The following CLDN18 variants were observed in gnomAD, a reference collection of about 807,000 sequenced individuals.
CLDN18 encodes claudin 18.
In CLDN18, 20 loss-of-function variants were observed where a neutral mutation model predicts 25.0. The ratio of observed to expected loss-of-function variants is 0.80; its 90% CI spans 0.56 to 1.16. The LOEUF is 1.16. Ranked by LOEUF, CLDN18 falls within the 50% of genes most tolerant of loss-of-function variation. The pLI, the probability that CLDN18 is intolerant of heterozygous loss-of-function variation, is 0.00. For synonymous variants in CLDN18, 125 were observed against 135.6 expected (o/e 0.92, Z 0.54); for missense variants, 297 against 345.4 (o/e 0.86, Z 1.11).
At chr3:137,999,015 G>C in exon 1 of CLDN18, 1 of 1,614,220 alleles carries the variant, frequency 6.2e-7, no homozygotes. Flanking sequence ...ACCAGGGGCT[G>C]TGGCGCTCCT....
intron 1 of CLDN18, among the ~76,000 whole-genome samples, chr3:138,016,533 A>G (rs781296009): frequency 4.7e-4 from 61 of 128,896 alleles, no homozygotes; most frequent in Non-Finnish European, 9.7e-5. Context: ...GAGAGGGGGC[A>G]AAGATATGGC....
chr3:138,003,241 G>C (rs942779362), intron 1 of CLDN18, among the ~76,000 whole-genome samples: 1 of 152,126 alleles, frequency 6.6e-6, no homozygotes, highest in African/African-American at 2.4e-5. Context: ...ATTGCCAAAT[G>C]TCCTCTAAGG....
At position 138,032,801 on chromosome 3, in the gene CLDN18, T is replaced by C. The variant is rs1275684108; in HGVS notation, c.*1660T>C. On this transcript the variant is annotated 3_prime_UTR_variant, in exon 5 of 5. Transcript: ENST00000183605. ...ACTTCTCTGAATTCACCTAGAGTGG[T>C]TGGACCATCAGATGTTTGGGCAAAA... 6.6e-6 allele frequency: 1 copy of C among 152,216 alleles called. No homozygotes were observed. The highest frequency in any genetic ancestry group is 1.5e-5 in the Non-Finnish European group (1 of 68,038). The allele number at this position is 152,216 out of a possible 1,614,324, so 9.4% of individuals were successfully genotyped here.
At chr3:138,022,068 G>C (rs1942277188) in intron 1 of CLDN18, among the ~76,000 whole-genome samples, 2 of 152,112 alleles carry the variant, frequency 1.3e-5, no homozygotes, top group African/African-American at 4.8e-5. Context: ...CACTGTCAGG[G>C]CTCTCTACCT....
intron 1 of CLDN18, among the ~76,000 whole-genome samples, chr3:138,015,547 G>C (rs1294663972): frequency 2.0e-5 from 3 of 152,160 alleles, no homozygotes; most frequent in African/African-American, 7.2e-5. Flanking sequence ...AAGGCAAAAA[G>C]CAGATACCTA....
chr3:138,024,765 T>G (rs1379494713), intron 3 of CLDN18, 41 bp downstream of exon 3: 1 of 1,174,728 alleles, frequency 8.5e-7, no homozygotes, highest in African/African-American at 1.5e-5. Flanking sequence ...CCATGATGAA[T>G]ATTGTTATAA....
At position 138,026,775 on chromosome 3, in the gene CLDN18, C is replaced by T. The variant is rs560651619; in HGVS notation, c.503+2051C>T. Reference sequence around the variant, plus strand: ...GGTTAGTGGGTGAAGGAAACAGGGACGGGAAGGAAGGGAAGCCAAGCACGG... The same window carrying T: ...GGTTAGTGGGTGAAGGAAACAGGGATGGGAAGGAAGGGAAGCCAAGCACGG... On this transcript the variant is annotated intron_variant, in intron 3 of 4. Coordinates refer to ENST00000183605, the MANE Select transcript of CLDN18 (RefSeq NM_016369.4). 1.1e-4 allele frequency among the ~76,000 whole-genome samples: 16 copies of T among 152,142 alleles called. No individual in the cohort carries two copies. The South Asian group carries it at 2.9e-3, about 28-fold the overall frequency.
chr3:138,026,344 CT>C (rs1276606082), intron 3 of CLDN18, among the ~76,000 whole-genome samples: 1 of 152,186 alleles, frequency 6.6e-6, no homozygotes, highest in African/African-American at 2.4e-5. Context: ...CAATTACCAA[CT>C]TCTAAAAATT....
chr3:138,027,529 G>A (rs896234880), intron 3 of CLDN18, among the ~76,000 whole-genome samples: 1 of 152,148 alleles, frequency 6.6e-6, no homozygotes, highest in Admixed American at 6.5e-5. Flanking sequence ...TCCTTCCTGG[G>A]TCATTGGAGA....
At chr3:138,015,611 T>A (rs1300893270) in intron 1 of CLDN18, among the ~76,000 whole-genome samples, 1 of 152,170 alleles carries the variant, frequency 6.6e-6, no homozygotes, top group East Asian at 1.9e-4. Flanking sequence ...CTTGCACCTG[T>A]AATCCTAGAA....
At chr3:138,029,470 T>G (rs952504406) in intron 3 of CLDN18, among the ~76,000 whole-genome samples, 1 of 152,216 alleles carries the variant, frequency 6.6e-6, no homozygotes, top group African/African-American at 2.4e-5. Flanking sequence ...AAATTTCTCT[T>G]GCCAAACCTT....
At chr3:138,028,118 G>A (rs960038644) in intron 3 of CLDN18, among the ~76,000 whole-genome samples, 35 of 151,540 alleles carry the variant, frequency 2.3e-4, no homozygotes, top group African/African-American at 8.3e-4. Context: ...AGGCTGGAGT[G>A]CAATGGCGCA....
In CLDN18 at chr3:138,023,717, C is replaced by T. The variant is rs779079104; in HGVS notation, c.280C>T (p.Leu94Phe). 1.2e-5 allele frequency: 19 copies of T among 1,614,010 alleles called. No individual in the cohort carries two copies. Among genetic ancestry groups the T allele is most frequent in the Non-Finnish European group, 1.4e-5 (17 of 1,180,020 alleles). ...IVGIVLGAIG[L>F]LVSIFALKCI... Reference sequence around the variant, plus strand: ...AGGCATCGTCCTGGGTGCCATTGGCCTCCTGGTATCCATCTTTGCCCTGAA... The same window carrying T: ...AGGCATCGTCCTGGGTGCCATTGGCTTCCTGGTATCCATCTTTGCCCTGAA... The change falls in exon 2 of 5, where the codon CTC becomes TTC. Residue 94 changes from leucine (L) to phenylalanine (F), a missense_variant. Transcript: ENST00000183605.
intron 1 of CLDN18, among the ~76,000 whole-genome samples, chr3:138,019,832 C>T (rs1414193307): frequency 6.6e-6 from 1 of 152,176 alleles, no homozygotes; most frequent in Non-Finnish European, 1.5e-5. Context: ...GAAGGGAACA[C>T]TGAGTTCCTA....
chr3:138,000,988 A>G (rs1377940123), intron 1 of CLDN18, among the ~76,000 whole-genome samples: 1 of 152,266 alleles, frequency 6.6e-6, no homozygotes. Flanking sequence ...TGCTTCACAA[A>G]GGGAAAATAA....
chr3:138,023,689 C>T lies in CLDN18; in HGVS notation c.252C>T (p.Ile84=), dbSNP rs762406591. ...TGCAGGCAGTGCGAGCCCTGATGAT[C>T]GTAGGCATCGTCCTGGGTGCCATTG... is the stretch of plus-strand genomic sequence containing the variant. ...AMLQAVRALM[I]VGIVLGAIGL... is the part of the protein sequence containing the mutation. Residue 84 remains isoleucine, a synonymous_variant, in exon 2 of 5, where the codon ATC becomes ATT. Coordinates refer to ENST00000183605, the MANE Select transcript of CLDN18 (RefSeq NM_016369.4). 1.3e-5 allele frequency: 21 copies of T among 1,613,946 alleles called. No individual in the cohort carries two copies. The highest frequency in any genetic ancestry group is 6.7e-5 in the East Asian group (3 of 44,882).
At chr3:138,010,588 C>G (rs1942125868) in intron 1 of CLDN18, 143 bp downstream of exon 1, 4 of 1,087,028 alleles carry the variant, frequency 3.7e-6, no homozygotes, top group Non-Finnish European at 5.3e-6. Context: ...AAAGGAGAAG[C>G]TGGCTCGTGT....
intron 1 of CLDN18, among the ~76,000 whole-genome samples, chr3:138,023,269 T>C (rs1040316037): frequency 6.6e-6 from 1 of 152,240 alleles, no homozygotes; most frequent in Non-Finnish European, 1.5e-5. Context: ...AAGTCACAGC[T>C]ATAAGCTCTA....
At chr3:138,017,076 G>A (rs1475961732) in intron 1 of CLDN18, among the ~76,000 whole-genome samples, 2 of 150,136 alleles carry the variant, frequency 1.3e-5, no homozygotes, top group African/African-American at 2.4e-5. Context: ...AACAAAGAAA[G>A]AAAGTGCCCT....
Sources: allele counts gnomAD v4.1 joint callset (sites outside exome capture counted in the v4.1 genomes callset), GRCh38; gene constraint gnomAD v4.1.1; transcripts MANE v1.5; gene names NCBI Gene and HGNC (gene_info 2026-07-23, HGNC 2026-07-21).